Variants in EHD4 observed in about 807,000 individuals in gnomAD.
EHD4 encodes EH domain-containing protein 4.
A neutral mutation model predicts 51.0 loss-of-function variants in EHD4; 37 were observed. The ratio of observed to expected loss-of-function variants is 0.73; its 90% CI spans 0.56 to 0.95. The LOEUF is 0.95. EHD4 is among the 40% of genes least tolerant of loss of function. The pLI is 0.00. For synonymous variants in EHD4, 297 were observed against 317.3 expected (o/e 0.94, Z 0.68); for missense variants, 632 against 733.1 (o/e 0.86, Z 1.59).
chr15:41,956,248 G>A (rs777532623), intron 1 of EHD4, among the ~76,000 whole-genome samples: 29 of 152,198 alleles, frequency 1.9e-4, no homozygotes, highest in Non-Finnish European at 3.7e-4. Context: ...GGAAGAGCTC[G>A]GTGTGGAGCT....
At chr15:41,959,014 T>C (rs1439043559) in intron 1 of EHD4, among the ~76,000 whole-genome samples, 1 of 152,156 alleles carries the variant, frequency 6.6e-6, no homozygotes, top group Non-Finnish European at 1.5e-5. Context: ...AATACACAAA[T>C]GTAAGATTTT....
rs534784192 is a variant in EHD4, at chr15:41,969,565, T to A, written c.236+2694A>T. Reference sequence around the variant, plus strand: ...GTCTCAAAAAAAAAAAATTGTGTAGTTTGCATTCATTTCAAATGGACTTCA... The same window carrying A: ...GTCTCAAAAAAAAAAAATTGTGTAGATTGCATTCATTTCAAATGGACTTCA... On this transcript the variant is annotated intron_variant, in intron 1 of 5. Coordinates refer to ENST00000220325, the MANE Select transcript of EHD4 (RefSeq NM_139265.4). Among the ~76,000 whole-genome samples, 21 of 152,050 alleles carry A rather than the reference T, an allele frequency of 1.4e-4. 1 individual carries two copies. The South Asian group carries it at 4.1e-3, about 30-fold the overall frequency.
intron 2 of EHD4, among the ~76,000 whole-genome samples, chr15:41,943,407 C>T (rs1566824294): frequency 6.6e-6 from 1 of 152,206 alleles, no homozygotes; most frequent in Non-Finnish European, 1.5e-5. Flanking sequence ...GAGAGGTGCA[C>T]AAGCACCTGC....
Position 41,957,653 on chromosome 15 carries a change from G to C in EHD4, c.237-3713C>G, listed in dbSNP as rs537821321. Among the ~76,000 whole-genome samples, 12 of 152,258 alleles carry C rather than the reference G, an allele frequency of 7.9e-5. No homozygotes were observed. In the East Asian group the frequency reaches 2.1e-3, roughly 27 times the overall value. On this transcript the variant is annotated intron_variant, in intron 1 of 5. Transcript: ENST00000220325. ...GCCCCAGACTTCTGCTCTTACACCA[G>C]GCACAGCACCATCACCCTGGGGTCC... is the stretch of plus-strand genomic sequence containing the variant.
At chr15:41,958,035 C>T (rs374228866) in intron 1 of EHD4, among the ~76,000 whole-genome samples, 1 of 151,952 alleles carries the variant, frequency 6.6e-6, no homozygotes, top group Non-Finnish European at 1.5e-5. Flanking sequence ...ACATTTCTCA[C>T]GGTGGGAGTG....
chr15:41,951,104 G>C (rs527260857), intron 2 of EHD4, among the ~76,000 whole-genome samples: 2 of 152,074 alleles, frequency 1.3e-5, no homozygotes, highest in Non-Finnish European at 2.9e-5. Flanking sequence ...AGCTGGCCTG[G>C]GTTCCAGTCC....
At chr15:41,935,189 A>ACCTCTGAGGAGGTT in intron 3 of EHD4, among the ~76,000 whole-genome samples, 1 of 152,192 alleles carries the variant, frequency 6.6e-6, no homozygotes, top group South Asian at 2.1e-4. Flanking sequence ...GTCCAGCCTA[A>ACCTCTGAGGAGGTT]ATGCCACCTC....
chr15:41,944,613 C>A (rs2067799156), intron 2 of EHD4, among the ~76,000 whole-genome samples: 1 of 152,186 alleles, frequency 6.6e-6, no homozygotes, highest in Non-Finnish European at 1.5e-5. Context: ...ATTTTTCACA[C>A]AGTCTTTCCT....
chr15:41,915,958 C>T (rs2067581162), intron 4 of EHD4, among the ~76,000 whole-genome samples: 1 of 152,186 alleles, frequency 6.6e-6, no homozygotes, highest in Non-Finnish European at 1.5e-5. Flanking sequence ...GGAAGAGTAT[C>T]TATCTACTTT....
In EHD4 at chr15:41,904,209, C is replaced by T. The variant is rs188141114; in HGVS notation, c.1090-3028G>A. On this transcript the variant is annotated intron_variant, in intron 5 of 5. Transcript: ENST00000220325. ...GGGTGATGCCTGCCCAAACTTCCCA[C>T]CAGCCTGCAGGGGCCGTGGATTCCG... Among the ~76,000 whole-genome samples the T allele has an allele frequency of 1.2e-4, 18 of 152,342 alleles. No individual in the cohort carries two copies. The East Asian group carries it at 3.1e-3, about 26-fold the overall frequency.
chr15:41,964,769 A>AT (rs199536122), intron 1 of EHD4, among the ~76,000 whole-genome samples: 35,388 of 135,956 alleles, frequency 0.26, 5,618 homozygotes, highest in Non-Finnish European at 0.39. Context: ...GAAAAAAAAA[A>AT]AAAATATATA....
intron 2 of EHD4, among the ~76,000 whole-genome samples, chr15:41,944,760 A>G (rs1188892158): frequency 1.3e-5 from 2 of 152,154 alleles, no homozygotes; most frequent in African/African-American, 4.8e-5. Context: ...ACTGCAACCT[A>G]CTGTTTCTGA....
At chr15:41,903,337 A>AAAC (rs1555473836) in intron 5 of EHD4, among the ~76,000 whole-genome samples, 3 of 138,124 alleles carry the variant, frequency 2.2e-5, no homozygotes, top group South Asian at 2.3e-4. Flanking sequence ...TGTAAAAAAA[A>AAAC]AAAACAGAAA....
intron 2 of EHD4, among the ~76,000 whole-genome samples, chr15:41,949,040 A>C (rs982028194): frequency 1.5e-5 from 2 of 135,890 alleles, no homozygotes; most frequent in African/African-American, 5.5e-5. Context: ...ATATATATAT[A>C]TATATATATA....
intron 3 of EHD4, 135 bp downstream of exon 3, chr15:41,942,932 C>T: frequency 1.3e-6 from 1 of 757,572 alleles, no homozygotes; most frequent in Non-Finnish European, 2.2e-6. Flanking sequence ...TCCTGGTTGA[C>T]ACTTGGGGCC....
chr15:41,904,296 G>A (rs770480215), intron 5 of EHD4, among the ~76,000 whole-genome samples: 3 of 152,134 alleles, frequency 2.0e-5, no homozygotes, highest in Non-Finnish European at 4.4e-5. Context: ...GTGGACAGGA[G>A]GCAGCAGTTA....
chr15:41,948,124 A>G (rs953023537), intron 2 of EHD4, among the ~76,000 whole-genome samples: 1 of 152,012 alleles, frequency 6.6e-6, no homozygotes, highest in Non-Finnish European at 1.5e-5. Context: ...TGTGGTGGTG[A>G]GCACCTGTAA....
intron 4 of EHD4, among the ~76,000 whole-genome samples, chr15:41,912,494 A>G (rs1336978347): frequency 2.0e-5 from 3 of 152,240 alleles, no homozygotes; most frequent in Middle Eastern, 6.8e-3. Context: ...CAGGAGTTTG[A>G]GACTAGCCTG....
chr15:41,940,725 T>C (rs1280511292), intron 3 of EHD4, among the ~76,000 whole-genome samples: 2 of 152,188 alleles, frequency 1.3e-5, no homozygotes, highest in African/African-American at 4.8e-5. Context: ...TCAGATCATA[T>C]TATAAAGTGA....
Sources: allele counts gnomAD v4.1 joint callset (sites outside exome capture counted in the v4.1 genomes callset), GRCh38; gene constraint gnomAD v4.1.1; transcripts MANE v1.5; gene names NCBI Gene and HGNC (gene_info 2026-07-23, HGNC 2026-07-21).